TANC1: variants seen among roughly 807,000 people sequenced by gnomAD.
TANC1 encodes protein TANC1.
In TANC1, 77 loss-of-function variants were observed where a neutral mutation model predicts 149.7. The ratio of observed to expected loss-of-function variants is 0.51; its 90% CI spans 0.43 to 0.62. The LOEUF (loss-of-function observed/expected upper bound fraction) is 0.62. Among genes scored for constraint, TANC1 ranks in the 20% least tolerant of loss-of-function variants. The probability of loss-of-function intolerance (pLI) is 0.00; values close to 1 mark genes in which losing one functional copy is unlikely to be tolerated. For missense variants in TANC1, 1,985 were observed against 2,321.8 expected (o/e 0.85, Z 2.98); for synonymous variants, 854 against 925.0 (o/e 0.92, Z 1.39).
intron 4 of TANC1, among the ~76,000 whole-genome samples, chr2:159,131,163 C>T (rs1005031841): frequency 3.3e-5 from 5 of 152,034 alleles, no homozygotes; most frequent in South Asian, 2.1e-4. Flanking sequence ...GTGGGAGATA[C>T]GTCTCTGGCC....
intron 19 of TANC1, among the ~76,000 whole-genome samples, chr2:159,199,820 A>G (rs545627615): frequency 3.3e-5 from 5 of 152,322 alleles, no homozygotes; most frequent in Admixed American, 2.6e-4. Context: ...TTGTTTCCAA[A>G]TGCTTCTAAA....
At chr2:159,225,513 C>G (rs749932492) in intron 23 of TANC1, 175 bp from the exon 24 acceptor site, 63 of 617,944 alleles carry the variant, frequency 1.0e-4, no homozygotes, top group Non-Finnish European at 1.5e-4. Context: ...GTGCCCAGGT[C>G]AGTGGGAAAG....
chr2:159,163,336 T>C lies in TANC1; in HGVS notation c.736T>C (p.Trp246Arg), dbSNP rs777784070. The C allele has an allele frequency of 1.9e-6, 3 of 1,614,136 alleles. No homozygotes were observed. The highest frequency in any genetic ancestry group is 1.7e-6 in the Non-Finnish European group (2 of 1,180,004). ...TGACCGGAGTGGCTCCAGTTTGGAA[T>C]GGAATAAAGATGGAAACCTAAGATT... ...NDDRSGSSLEWNKDGNLRLGV... is the reference protein window; with the variant it reads ...NDDRSGSSLERNKDGNLRLGV... The change falls in exon 8 of 27, where the codon TGG (tryptophan) becomes CGG (arginine). Residue 246 changes from tryptophan (W) to arginine (R), a missense_variant. This residue lies in a region of TANC1 where 557 missense variants were observed against 612.9 expected (regional missense o/e 0.91). Coordinates refer to ENST00000263635, the MANE Select transcript of TANC1 (RefSeq NM_033394.3).
At chr2:159,153,000 T>G (rs1198534351) in intron 7 of TANC1, among the ~76,000 whole-genome samples, 1 of 152,174 alleles carries the variant, frequency 6.6e-6, no homozygotes. Flanking sequence ...CCCTCTTACA[T>G]GTTCCCCATA....
intron 2 of TANC1, chr2:159,056,785 C>T (rs969387014): frequency 1.2e-5 from 4 of 347,580 alleles, no homozygotes; most frequent in African/African-American, 4.2e-5. Context: ...TTGTTCTTCC[C>T]GTCCATGAAG....
chr2:159,140,877 G>A (rs1171901486), intron 5 of TANC1, among the ~76,000 whole-genome samples: 1 of 151,932 alleles, frequency 6.6e-6, no homozygotes, highest in African/African-American at 2.4e-5. Context: ...TTTTAGTAGA[G>A]ACAGAGTTTT....
At chr2:159,136,435 G>T (rs2050755673) in intron 5 of TANC1, 137 bp downstream of exon 5, 1 of 612,132 alleles carries the variant, frequency 1.6e-6, no homozygotes, top group Non-Finnish European at 2.9e-6. Flanking sequence ...CCCTCCAGCA[G>T]TTACAGAGAT....
chr2:159,048,181 T>C (rs2041212670), intron 2 of TANC1, among the ~76,000 whole-genome samples: 1 of 152,232 alleles, frequency 6.6e-6, no homozygotes, highest in South Asian at 2.1e-4. Context: ...TTTGGTATCA[T>C]GCCACCTTGT....
At chr2:159,062,973 C>CCAAAAA (rs770866772) in intron 2 of TANC1, among the ~76,000 whole-genome samples, 16 of 41,216 alleles carry the variant, frequency 3.9e-4, no homozygotes, top group Non-Finnish European at 6.4e-4. Flanking sequence ...GACTCCGTCT[C>CCAAAAA]AAAAAAAAAA....
chr2:159,129,329 GT>G, intron 4 of TANC1, among the ~76,000 whole-genome samples: 1 of 152,136 alleles, frequency 6.6e-6, no homozygotes, highest in Non-Finnish European at 1.5e-5. Flanking sequence ...TTATGTGGCA[GT>G]TTCTAAGCAG....
intron 10 of TANC1, among the ~76,000 whole-genome samples, chr2:159,171,851 C>T (rs1175302202): frequency 1.9e-4 from 5 of 26,012 alleles, no homozygotes; most frequent in Non-Finnish European, 3.4e-4. Context: ...AGTGAGACTC[C>T]GCCTTAAAAA....
chr2:159,020,898 C>T (rs1365191970), intron 2 of TANC1, among the ~76,000 whole-genome samples: 2 of 151,636 alleles, frequency 1.3e-5, no homozygotes, highest in Admixed American at 6.6e-5. Context: ...GCCTCGGGTC[C>T]AGTTGTGTCT....
At chr2:159,027,798 G>C (rs1052645522) in intron 2 of TANC1, among the ~76,000 whole-genome samples, 1 of 152,110 alleles carries the variant, frequency 6.6e-6, no homozygotes, top group Non-Finnish European at 1.5e-5. Flanking sequence ...TATAAAAAAG[G>C]GAAAATTATT....
intron 3 of TANC1, 145 bp downstream of exon 3, chr2:159,066,116 A>T: frequency 1.4e-6 from 1 of 709,324 alleles, no homozygotes; most frequent in Non-Finnish European, 2.6e-6. Context: ...AGGCTATGAG[A>T]AATGAAATAG....
At chr2:159,116,959 C>A (rs2048328825) in intron 4 of TANC1, among the ~76,000 whole-genome samples, 1 of 152,216 alleles carries the variant, frequency 6.6e-6, no homozygotes, top group African/African-American at 2.4e-5. Context: ...AAGCCTGGGT[C>A]ATTTTCACTT....
At position 159,194,199 on chromosome 2, in the gene TANC1, C is replaced by T; in HGVS notation, c.2743-58C>T. The T allele has an allele frequency of 2.8e-6, 4 of 1,427,044 alleles. 1 individual carries two copies. In the South Asian group the frequency reaches 4.6e-5, roughly 16 times the overall value. 88.4% of individuals were successfully genotyped at this position (1,427,044 alleles called of 1,614,324 possible). On this transcript the variant is annotated intron_variant, in intron 16 of 26. Coordinates refer to ENST00000263635, the MANE Select transcript of TANC1 (RefSeq NM_033394.3). ...CGAAAATTGAGGATACTGCCCATTT[C>T]CAGAAATGTTTAGATGACATACATG...
intron 3 of TANC1, among the ~76,000 whole-genome samples, chr2:159,070,814 C>T (rs2043092549): frequency 6.6e-6 from 1 of 152,152 alleles, no homozygotes; most frequent in South Asian, 2.1e-4. Flanking sequence ...TGGGCAGGTT[C>T]CCTCCCCTTC....
chr2:159,023,919 G>A (rs2149440816), intron 2 of TANC1, among the ~76,000 whole-genome samples: 1 of 151,016 alleles, frequency 6.6e-6, no homozygotes, highest in Non-Finnish European at 1.5e-5. Context: ...AATGAGCCAA[G>A]ATCGTGCCAC....
intron 4 of TANC1, among the ~76,000 whole-genome samples, chr2:159,126,142 A>G (rs547204658): frequency 6.6e-6 from 1 of 152,282 alleles, no homozygotes; most frequent in South Asian, 2.1e-4. Flanking sequence ...TCTTAATTCC[A>G]TCTGCAGAGT....
Sources: gnomAD v4.1 joint callset for allele counts (sites outside exome capture counted in the v4.1 genomes callset) on GRCh38, gnomAD v4.1.1 for gene constraint, gnomAD v4.1.1 regional missense constraint, MANE v1.5 for transcripts, NCBI Gene and HGNC (gene_info 2026-07-23, HGNC 2026-07-21) for gene names.